RTN4: variants seen among roughly 807,000 people sequenced by gnomAD.
The protein encoded by RTN4 is reticulon-4.
Under a neutral mutation model 90.4 loss-of-function variants are expected in RTN4, and 32 were observed. That is an observed-to-expected ratio of 0.35 (90% CI 0.27 to 0.48). The LOEUF (loss-of-function observed/expected upper bound fraction) is 0.48. Ranked by LOEUF, RTN4 falls within the 20% of genes least tolerant of loss-of-function variation. RTN4 has a pLI of 0.99. For missense variants in RTN4, 1,706 were observed against 1,430.2 expected (o/e 1.19, Z -3.11); for synonymous variants, 629 against 552.5 (o/e 1.14, Z -1.94).
the RTN4 span, among the ~76,000 whole-genome samples, chr2:55,118,439 T>C: frequency 6.6e-6 from 1 of 151,716 alleles, no homozygotes; most frequent in Non-Finnish European, 1.5e-5. Context: ...CACTACACCC[T>C]GGGCAATGGA....
At chr2:55,012,675 T>C (rs1253378864) in intron 3 of RTN4, among the ~76,000 whole-genome samples, 1 of 152,174 alleles carries the variant, frequency 6.6e-6, no homozygotes, top group Admixed American at 6.5e-5. Context: ...CTTATCAGTA[T>C]GCTAAAAATA....
At chr2:55,043,042 C>T (rs962622101) in intron 1 of RTN4, among the ~76,000 whole-genome samples, 2 of 152,164 alleles carry the variant, frequency 1.3e-5, no homozygotes, top group African/African-American at 2.4e-5. Context: ...TTATCAACTC[C>T]TCCTTTGGGG....
chr2:55,116,672 T>C (rs56760831), upstream of RTN4, among the ~76,000 whole-genome samples: 1 of 152,086 alleles, frequency 6.6e-6, no homozygotes, highest in Non-Finnish European at 1.5e-5. Flanking sequence ...AGGATGAACT[T>C]ATAGTCACAC....
chr2:55,120,368 T>C, the RTN4 span, among the ~76,000 whole-genome samples: 1 of 152,134 alleles, frequency 6.6e-6, no homozygotes, highest in South Asian at 2.1e-4. Context: ...CTGGGCACCC[T>C]GGCAGGCTCA....
intron 6 of RTN4, chr2:54,974,074 C>T: frequency 2.0e-6 from 1 of 497,742 alleles, no homozygotes; most frequent in Non-Finnish European, 3.6e-6. Flanking sequence ...GTTATTAGAG[C>T]TAGGAACCAT....
At chr2:55,089,583 G>C (rs947405259) in intron 1 of RTN4, among the ~76,000 whole-genome samples, 2 of 152,206 alleles carry the variant, frequency 1.3e-5, no homozygotes, top group South Asian at 4.1e-4. Context: ...TTAAAATTCA[G>C]CGTTTAAGGG....
chr2:54,973,252 T>C, intron 8 of RTN4, 54 bp from the exon 9 acceptor site: 3 of 1,415,568 alleles, frequency 2.1e-6, no homozygotes, highest in Non-Finnish European at 3.0e-6. Context: ...CTGCTTAAAA[T>C]ACCATCTTCC....
intron 1 of RTN4, among the ~76,000 whole-genome samples, chr2:55,029,298 C>A (rs1298767034): frequency 6.6e-6 from 1 of 152,126 alleles, no homozygotes; most frequent in Non-Finnish European, 1.5e-5. Context: ...AGCCACCCAG[C>A]CTATGGTATT....
At chr2:55,129,709 T>C in the RTN4 span, among the ~76,000 whole-genome samples, 2 of 151,960 alleles carry the variant, frequency 1.3e-5, no homozygotes, top group Admixed American at 6.6e-5. Flanking sequence ...CTACAGGCGC[T>C]TGCCACCACA....
At chr2:55,053,679 TC>T (rs1668138943), upstream of RTN4, among the ~76,000 whole-genome samples, 1 of 132,572 alleles carries the variant, frequency 7.5e-6, no homozygotes, top group Non-Finnish European at 1.6e-5. Context: ...AGAGCGAAAC[TC>T]CATCTCAAAA....
chr2:55,054,340 G>A (rs1285503137), upstream of RTN4, among the ~76,000 whole-genome samples: 5 of 152,090 alleles, frequency 3.3e-5, no homozygotes, highest in East Asian at 9.6e-4. Context: ...TTTTTAATAA[G>A]AGAAATATTT....
At position 55,020,480 on chromosome 2, in the gene RTN4, A is replaced by AC. The variant is rs201312225; in HGVS notation, c.3013+4605dup. 2.6e-5 allele frequency among the ~76,000 whole-genome samples: 4 copies of AC among 151,424 alleles called. No individual in the cohort carries two copies. The South Asian group carries it at 8.4e-4, about 32-fold the overall frequency. On this transcript the variant is annotated intron_variant, in intron 3 of 8. Coordinates refer to ENST00000337526, the MANE Select transcript of RTN4 (RefSeq NM_020532.5). ...AATGCCAAGAACATTCATTGATACT[A>AC]CTACTGAGAAAAAAAATCAGTATTT...
At chr2:55,113,460 C>A (rs1040418845), upstream of RTN4, among the ~76,000 whole-genome samples, 1 of 152,178 alleles carries the variant, frequency 6.6e-6, no homozygotes, top group Non-Finnish European at 1.5e-5. Context: ...GCTACTCTGT[C>A]CTCTTTTGGA....
chr2:55,092,238 C>CTTT (rs77653090), intron 1 of RTN4, among the ~76,000 whole-genome samples: 2 of 137,350 alleles, frequency 1.5e-5, no homozygotes, highest in African/African-American at 5.3e-5. Flanking sequence ...TTTTTCTTTT[C>CTTT]TTTTTTTTTT....
intron 4 of RTN4, among the ~76,000 whole-genome samples, chr2:54,984,669 T>C (rs1391676073): frequency 6.6e-6 from 1 of 152,232 alleles, no homozygotes; most frequent in African/African-American, 2.4e-5. Flanking sequence ...CATCACTCAG[T>C]AACCACAGGT....
rs1677336866 is a variant in RTN4 at position 54,973,636 on chromosome 2, TAA to T, written c.3478-17_3478-16del. ...TCTATCTGTGCCTGAAAGAGAGGTA[TAA>T]AGGAATTATTACCGTTGCTAAAGAA... On this transcript the variant is annotated splice_polypyrimidine_tract_variant and intron_variant, in intron 7 of 8. Transcript: ENST00000337526. 3 of 1,597,228 alleles carry T rather than the reference TAA, an allele frequency of 1.9e-6. No homozygotes were observed. Among genetic ancestry groups the T allele is most frequent in the Non-Finnish European group, 2.6e-6 (3 of 1,164,912 alleles).
chr2:54,979,802 A>T (rs149525730), intron 5 of RTN4, among the ~76,000 whole-genome samples: 2 of 152,304 alleles, frequency 1.3e-5, no homozygotes, highest in African/African-American at 4.8e-5. Flanking sequence ...TTTAAGTGCT[A>T]ACATGATGAG....
the RTN4 span, among the ~76,000 whole-genome samples, chr2:55,128,827 C>T: frequency 6.6e-6 from 1 of 150,760 alleles, no homozygotes; most frequent in Non-Finnish European, 1.5e-5. Context: ...GGAGAGAGGG[C>T]TGGGCACGGT....
chr2:55,132,893 G>GCT, the RTN4 span, among the ~76,000 whole-genome samples: 1 of 77,810 alleles, frequency 1.3e-5, no homozygotes, highest in Admixed American at 1.3e-4. Context: ...CAGTTTTGTT[G>GCT]TTGTTTTTTT....
Sources: allele counts gnomAD v4.1 joint callset (sites outside exome capture counted in the v4.1 genomes callset), GRCh38; gene constraint gnomAD v4.1.1; transcripts MANE v1.5; gene names NCBI Gene and HGNC (gene_info 2026-07-23, HGNC 2026-07-21).